Variants in TENM3 observed in about 807,000 individuals in gnomAD.
TENM3 encodes teneurin transmembrane protein 3.
TENM3 carries 63 observed loss-of-function variants against 255.1 expected under a neutral mutation model. That is an observed-to-expected ratio of 0.25 (90% CI 0.20 to 0.30). The LOEUF (loss-of-function observed/expected upper bound fraction) is 0.30. TENM3 is among the 10% of genes least tolerant of loss of function. The probability of loss-of-function intolerance (pLI) is 1.00; values close to 1 mark genes in which losing one functional copy is unlikely to be tolerated. For missense variants in TENM3, 2,929 were observed against 3,461.1 expected (o/e 0.85, Z 3.86); for synonymous variants, 1,306 against 1,322.3 (o/e 0.99, Z 0.27).
intron 3 of TENM3, among the ~76,000 whole-genome samples, chr4:182,531,952 G>A (rs901568120): frequency 2.6e-5 from 4 of 152,192 alleles, no homozygotes; most frequent in African/African-American, 4.8e-5. Context: ...ACCAGCCACG[G>A]CTAGCCTTGC....
the TENM3 span, among the ~76,000 whole-genome samples, chr4:182,134,383 C>A: frequency 1.3e-5 from 2 of 152,256 alleles, no homozygotes; most frequent in South Asian, 4.1e-4. Context: ...CTTCCAGCAT[C>A]CTCTTAGTTT....
At chr4:181,767,120 CG>C in the TENM3 span, among the ~76,000 whole-genome samples, 1 of 144,632 alleles carries the variant, frequency 6.9e-6, no homozygotes, top group Non-Finnish European at 1.5e-5. Flanking sequence ...GGCGTGGTGG[CG>C]GGCGCCTGTA....
chr4:181,855,260 C>T, the TENM3 span, among the ~76,000 whole-genome samples: 31,231 of 152,066 alleles, frequency 0.21, 3,689 homozygotes, highest in Middle Eastern at 0.28. Flanking sequence ...TAACATTACT[C>T]CTTAATTTTA....
At chr4:181,864,131 A>G in the TENM3 span, among the ~76,000 whole-genome samples, 1 of 152,160 alleles carries the variant, frequency 6.6e-6, no homozygotes, top group Non-Finnish European at 1.5e-5. Context: ...ACACACTAGT[A>G]TTAGTTGATG....
At chr4:182,516,752 G>A (rs184742921) in intron 3 of TENM3, among the ~76,000 whole-genome samples, 282 of 152,176 alleles carry the variant, frequency 1.9e-3, no homozygotes, top group Non-Finnish European at 3.4e-3. Context: ...TTAGCTGGGC[G>A]TGATGGCACA....
the TENM3 span, among the ~76,000 whole-genome samples, chr4:182,078,669 G>A: frequency 6.6e-6 from 1 of 152,228 alleles, no homozygotes; most frequent in Non-Finnish European, 1.5e-5. Flanking sequence ...AACTGTGTCA[G>A]TGTGAAGAGG....
Position 182,778,640 on chromosome 4 carries a change from G to A in TENM3, c.5304+3487G>A, listed in dbSNP as rs1022434499. ...TCACTCCCTGGGAAAATTGTGTAGC[G>A]TCATATTCTTTTCAAGCATATTCCA... On this transcript the variant is annotated intron_variant, in intron 24 of 27. Transcript: ENST00000511685. Among the ~76,000 whole-genome samples the A allele has an allele frequency of 3.3e-5, 5 of 152,136 alleles. No homozygotes were observed. The East Asian group carries it at 5.8e-4, about 18-fold the overall frequency.
At chr4:181,565,750 TTA>T in the TENM3 span, among the ~76,000 whole-genome samples, 1 of 152,194 alleles carries the variant, frequency 6.6e-6, no homozygotes. Context: ...TGCTAGAGAA[TTA>T]TATTAGAAAA....
the TENM3 span, among the ~76,000 whole-genome samples, chr4:181,562,755 ACCT>A: frequency 6.6e-6 from 1 of 151,496 alleles, no homozygotes; most frequent in Admixed American, 6.6e-5. Flanking sequence ...GCTCACTGCA[ACCT>A]CTGCCTCCTG....
chr4:182,072,292 G>C, the TENM3 span, among the ~76,000 whole-genome samples: 1 of 152,154 alleles, frequency 6.6e-6, no homozygotes, highest in Non-Finnish European at 1.5e-5. Context: ...TCAAGCATTA[G>C]GTCTCCACTG....
the TENM3 span, among the ~76,000 whole-genome samples, chr4:181,805,590 T>G: frequency 6.8e-5 from 7 of 102,812 alleles, no homozygotes; most frequent in South Asian, 8.7e-4. Flanking sequence ...ACGCCGTGTG[T>G]GCACTTTTGT....
At chr4:182,324,518 G>A (rs969808642) in intron 2 of TENM3, among the ~76,000 whole-genome samples, 1 of 152,198 alleles carries the variant, frequency 6.6e-6, no homozygotes, top group East Asian at 1.9e-4. Context: ...GATTCTGCAC[G>A]TGGCCCAAGC....
intron 1 of TENM3, among the ~76,000 whole-genome samples, chr4:182,209,665 G>A (rs969930420): frequency 2.8e-4 from 43 of 152,122 alleles, no homozygotes; most frequent in Non-Finnish European, 5.9e-4. Flanking sequence ...GTGTAAATGC[G>A]TCTGTTACCA....
In TENM3 at chr4:182,688,399, G is replaced by A. The variant is rs377749524; in HGVS notation, c.2221+48G>A. 2.9e-6 allele frequency: 4 copies of A among 1,389,202 alleles called. No homozygotes were observed. In the South Asian group the frequency reaches 6.7e-5, roughly 23 times the overall value. 86.1% of individuals were successfully genotyped at this position (1,389,202 alleles called of 1,614,324 possible). The stretch of plus-strand genomic sequence containing the variant: ...TCTGTCCCCTTCCTCCCAGAGAAGA[G>A]CACCGACGGTCAGCTGTTTTCAACT... On this transcript the variant is annotated intron_variant, in intron 12 of 27. Coordinates refer to ENST00000511685, the MANE Select transcript of TENM3 (RefSeq NM_001080477.4).
At chr4:182,395,840 T>C (rs1425305698) in intron 3 of TENM3, among the ~76,000 whole-genome samples, 1 of 152,236 alleles carries the variant, frequency 6.6e-6, no homozygotes, top group African/African-American at 2.4e-5. Flanking sequence ...CTGAAATTGC[T>C]AAAATCCAGA....
At chr4:182,717,143 C>A (rs1759260456) in intron 13 of TENM3, among the ~76,000 whole-genome samples, 1 of 152,210 alleles carries the variant, frequency 6.6e-6, no homozygotes, top group Admixed American at 6.5e-5. Flanking sequence ...ATCTTCCTTC[C>A]CCTGCAAAAT....
chr4:182,433,839 G>A (rs539950462), intron 3 of TENM3, among the ~76,000 whole-genome samples: 1 of 152,304 alleles, frequency 6.6e-6, no homozygotes, highest in Admixed American at 6.5e-5. Context: ...ATGGCTGGGT[G>A]GCGTGATGGC....
At chr4:181,943,890 A>G in the TENM3 span, among the ~76,000 whole-genome samples, 3 of 152,086 alleles carry the variant, frequency 2.0e-5, no homozygotes, top group Non-Finnish European at 4.4e-5. Flanking sequence ...TAGTAACTCA[A>G]ATTATAGCTC....
the TENM3 span, among the ~76,000 whole-genome samples, chr4:181,506,633 A>G: frequency 1.3e-5 from 2 of 150,618 alleles, no homozygotes; most frequent in Non-Finnish European, 3.0e-5. Flanking sequence ...TTTGGGCAGA[A>G]CAGTGCCTCA....
Sources: allele counts gnomAD v4.1 joint callset (sites outside exome capture counted in the v4.1 genomes callset), GRCh38; gene constraint gnomAD v4.1.1; transcripts MANE v1.5; gene names NCBI Gene and HGNC (gene_info 2026-07-23, HGNC 2026-07-21).